The following CCDC91 variants were observed in gnomAD, a reference collection of about 807,000 sequenced individuals.
CCDC91 encodes coiled-coil domain containing 91.
CCDC91 carries 48 observed loss-of-function variants against 63.2 expected under a neutral mutation model. That is an observed-to-expected ratio of 0.76 (90% CI 0.60 to 0.97). CCDC91 has a LOEUF of 0.97. CCDC91 is among the 50% of genes least tolerant of loss of function. The pLI is 0.00. For synonymous variants in CCDC91, 167 were observed against 165.8 expected, an observed-to-expected ratio of 1.01 and a Z score of -0.06; for missense variants, 500 against 494.6, an observed-to-expected ratio of 1.01 and a Z score of -0.10.
chr12:28,496,101 C>G (rs1952266368), intron 12 of CCDC91, among the ~76,000 whole-genome samples: 3 of 151,594 alleles, frequency 2.0e-5, no homozygotes, highest in South Asian at 2.1e-4. Context: ...TCTGACTAAG[C>G]AGCAGAGGAG....
At chr12:28,337,284 A>ATGAATAATTTGAATG (rs768486767) in intron 6 of CCDC91, among the ~76,000 whole-genome samples, 13 of 152,124 alleles carry the variant, frequency 8.5e-5, no homozygotes, top group Non-Finnish European at 1.8e-4. Flanking sequence ...TTTTTCGTTA[A>ATGAATAATTTGAATG]TGAATAATTT....
At chr12:28,533,947 G>T (rs1941949864) in intron 12 of CCDC91, among the ~76,000 whole-genome samples, 1 of 151,174 alleles carries the variant, frequency 6.6e-6, no homozygotes, top group Non-Finnish European at 1.5e-5. Flanking sequence ...TCTTATACTT[G>T]TTTTATTTTA....
At chr12:28,365,177 C>T (rs1944193935) in intron 7 of CCDC91, among the ~76,000 whole-genome samples, 1 of 152,154 alleles carries the variant, frequency 6.6e-6, no homozygotes, top group South Asian at 2.1e-4. Flanking sequence ...TTACATTTCT[C>T]TTTAACTGAG....
chr12:28,329,905 G>C (rs1941349689), intron 6 of CCDC91, among the ~76,000 whole-genome samples: 1 of 152,078 alleles, frequency 6.6e-6, no homozygotes, highest in South Asian at 2.1e-4. Context: ...AGAGAATGAT[G>C]GTTTCCAGCT....
intron 6 of CCDC91, among the ~76,000 whole-genome samples, chr12:28,331,267 A>G (rs1941484377): frequency 6.6e-6 from 1 of 152,200 alleles, no homozygotes; most frequent in Non-Finnish European, 1.5e-5. Context: ...TCTTAACGCC[A>G]TGCTTGTGGT....
chr12:28,522,769 T>A (rs1940851575), intron 12 of CCDC91, among the ~76,000 whole-genome samples: 2 of 152,224 alleles, frequency 1.3e-5, no homozygotes, highest in South Asian at 4.1e-4. Flanking sequence ...TTCTGGTATG[T>A]TGTGTCTTTG....
At chr12:28,476,362 C>T (rs1384345903) in intron 11 of CCDC91, among the ~76,000 whole-genome samples, 1 of 152,042 alleles carries the variant, frequency 6.6e-6, no homozygotes, top group African/African-American at 2.4e-5. Context: ...ACAACCTGCT[C>T]CTGAATGAAT....
intron 1 of CCDC91, among the ~76,000 whole-genome samples, chr12:28,201,333 T>G (rs11827252): frequency 6.8e-6 from 1 of 146,386 alleles, no homozygotes; most frequent in Admixed American, 6.7e-5. Context: ...GCAGAGACGC[T>G]CCTCACCTCC....
intron 3 of CCDC91, among the ~76,000 whole-genome samples, chr12:28,294,143 A>G (rs1483863157): frequency 6.6e-6 from 1 of 152,172 alleles, no homozygotes; most frequent in African/African-American, 2.4e-5. Flanking sequence ...AATGGTTGTT[A>G]TAGGGAGGAC....
At chr12:28,543,431 A>G (rs1942772987) in intron 12 of CCDC91, among the ~76,000 whole-genome samples, 1 of 151,966 alleles carries the variant, frequency 6.6e-6, no homozygotes, top group Admixed American at 6.6e-5. Flanking sequence ...GGTTTTTAGC[A>G]GCTTGAAGCC....
intron 1 of CCDC91, among the ~76,000 whole-genome samples, chr12:28,203,737 A>G (rs1260428274): frequency 2.0e-5 from 3 of 152,190 alleles, no homozygotes; most frequent in African/African-American, 7.2e-5. Flanking sequence ...TTTATTAATA[A>G]TAAGTAGTAT....
At chr12:28,287,538 C>T (rs554123684) in intron 3 of CCDC91, among the ~76,000 whole-genome samples, 1 of 152,062 alleles carries the variant, frequency 6.6e-6, no homozygotes, top group Admixed American at 6.6e-5. Context: ...CCTTAGTTCT[C>T]GGGTCTCTCT....
At chr12:28,441,885 T>A (rs1949244961) in intron 8 of CCDC91, among the ~76,000 whole-genome samples, 1 of 152,000 alleles carries the variant, frequency 6.6e-6, no homozygotes, top group Non-Finnish European at 1.5e-5. Context: ...ATCACACAGC[T>A]AAGTGCATAG....
chr12:28,492,339 A>G (rs1286785303), intron 12 of CCDC91, among the ~76,000 whole-genome samples: 1 of 151,814 alleles, frequency 6.6e-6, no homozygotes, highest in African/African-American at 2.4e-5. Context: ...CTTAATAATG[A>G]TACATATTTG....
At chr12:28,537,141 A>G (rs934388851) in intron 12 of CCDC91, among the ~76,000 whole-genome samples, 2 of 151,992 alleles carry the variant, frequency 1.3e-5, no homozygotes, top group Admixed American at 6.6e-5. Flanking sequence ...CCCATAATAT[A>G]TTTTTAACAT....
chr12:28,212,821 T>C (rs1180933541), intron 1 of CCDC91, among the ~76,000 whole-genome samples: 8 of 152,180 alleles, frequency 5.3e-5, no homozygotes, highest in Admixed American at 4.6e-4. Flanking sequence ...TGAGGTATGT[T>C]GAGAAGCAAA....
At chr12:28,364,191 G>A (rs562602189) in intron 7 of CCDC91, among the ~76,000 whole-genome samples, 1 of 152,208 alleles carries the variant, frequency 6.6e-6, no homozygotes, top group Admixed American at 6.5e-5. Context: ...TTCCAGACCA[G>A]CCTGGCCAAC....
At chr12:28,520,033 A>T (rs1192027895) in intron 12 of CCDC91, among the ~76,000 whole-genome samples, 4 of 152,084 alleles carry the variant, frequency 2.6e-5, no homozygotes, top group Non-Finnish European at 5.9e-5. Flanking sequence ...CAATAAACAT[A>T]CCTGTGCATG....
chr12:28,336,877 A>G (rs1054284820), intron 6 of CCDC91, among the ~76,000 whole-genome samples: 14 of 152,116 alleles, frequency 9.2e-5, no homozygotes, highest in African/African-American at 3.1e-4. Flanking sequence ...TTTGATAACT[A>G]TTCAAACTTT....
Sources: gnomAD v4.1 joint callset for allele counts (sites outside exome capture counted in the v4.1 genomes callset) on GRCh38, gnomAD v4.1.1 for gene constraint, MANE v1.5 for transcripts, NCBI Gene and HGNC (gene_info 2026-07-23, HGNC 2026-07-21) for gene names.